TEX11: variants seen among roughly 807,000 people sequenced by gnomAD.
The protein encoded by TEX11 is testis-expressed protein 11.
In TEX11, 7 loss-of-function variants were observed where a neutral mutation model predicts 84.4. The observed-to-expected ratio is 0.08, with a 90% CI of 0.05 to 0.16. TEX11 has a LOEUF of 0.16. Among genes scored for constraint, TEX11 ranks in the 10% least tolerant of loss-of-function variants. TEX11 has a pLI of 1.00. For synonymous variants in TEX11, 264 were observed against 222.8 expected, an observed-to-expected ratio of 1.18 and a Z score of -1.64; for missense variants, 551 against 660.5, an observed-to-expected ratio of 0.83 and a Z score of 1.82.
intron 25 of TEX11, among the ~76,000 whole-genome samples, chrX:70,586,575 T>C (rs7879897): frequency 0.083 from 9,259 of 111,728 alleles, 849 homozygotes; most frequent in African/African-American, 0.26. Flanking sequence ...CATGAAAAGA[T>C]GCTCAACATC....
intron 13 of TEX11, among the ~76,000 whole-genome samples, chrX:70,704,950 T>A (rs968972564): frequency 8.9e-6 from 1 of 112,072 alleles, no homozygotes; most frequent in African/African-American, 3.2e-5. Context: ...AAGTCTTTAA[T>A]ACATCTTGAA....
chrX:70,530,041 AGTTC>A, intron 28 of TEX11, 42 bp from the exon 29 acceptor site: 2 of 1,098,106 alleles, frequency 1.8e-6, no homozygotes, highest in Non-Finnish European at 2.5e-6. Context: ...TTACTGTCAC[AGTTC>A]ATTGTGGCAC....
intron 13 of TEX11, among the ~76,000 whole-genome samples, chrX:70,706,065 C>A (rs1359624920): frequency 2.7e-5 from 3 of 111,347 alleles, no homozygotes; most frequent in African/African-American, 9.8e-5. Context: ...ACCCAAATGT[C>A]CATCAATGAT....
At chrX:70,900,395 A>AAAAAAAG (rs1556245995) in intron 2 of TEX11, among the ~76,000 whole-genome samples, 6 of 60,082 alleles carry the variant, frequency 1.0e-4, no homozygotes, top group African/African-American at 3.3e-4. Flanking sequence ...AAAAAAAAAA[A>AAAAAAAG]AAGAAGAAGA....
chrX:70,602,400 C>T (rs371433931), intron 24 of TEX11, among the ~76,000 whole-genome samples: 19,575 of 103,504 alleles, frequency 0.19, 1,751 homozygotes, highest in African/African-American at 0.22. Flanking sequence ...GTTCAATATA[C>T]GCAAATCAAT....
intron 25 of TEX11, among the ~76,000 whole-genome samples, chrX:70,583,788 G>C (rs2088812565): frequency 1.8e-5 from 2 of 111,611 alleles, no homozygotes; most frequent in Admixed American, 9.5e-5. Flanking sequence ...CTGCTGGTGG[G>C]AATGTAAATC....
chrX:70,869,850 TTGTC>T (rs2091620938), intron 4 of TEX11, among the ~76,000 whole-genome samples: 1 of 111,866 alleles, frequency 8.9e-6, no homozygotes, highest in Non-Finnish European at 1.9e-5. Context: ...TCTAAGAACT[TTGTC>T]TGCTCCAATC....
chrX:70,860,570 A>C (rs1183853833), intron 5 of TEX11, among the ~76,000 whole-genome samples: 1 of 111,639 alleles, frequency 9.0e-6, no homozygotes, highest in African/African-American at 3.3e-5. Context: ...TAGATGAAGA[A>C]ACAGTTACTC....
intron 7 of TEX11, among the ~76,000 whole-genome samples, chrX:70,843,150 A>G (rs2091457521): frequency 8.9e-6 from 1 of 111,980 alleles, no homozygotes; most frequent in Non-Finnish European, 1.9e-5. Context: ...ATACGGAACC[A>G]AAAAGAGCCC....
Position 70,562,109 on chromosome X carries a change from T to C in TEX11, c.2141-7309A>G, listed in dbSNP as rs980795566. On this transcript the variant is annotated intron_variant, in intron 25 of 29. Coordinates refer to ENST00000374333, the MANE Select transcript of TEX11 (RefSeq NM_031276.3). ...ATTTCAGACAACCTCCTCCCACCAC[T>C]TCACAGTATCTCACAAGCTGCAGTC... 3.6e-5 allele frequency among the ~76,000 whole-genome samples: 4 copies of C among 112,216 alleles called. No individual in the cohort carries two copies. The East Asian group carries it at 1.1e-3, about 31-fold the overall frequency.
intron 9 of TEX11, among the ~76,000 whole-genome samples, chrX:70,757,146 G>A (rs1179876575): frequency 8.9e-6 from 1 of 112,089 alleles, no homozygotes; most frequent in African/African-American, 3.2e-5. Context: ...ACGTTTGACT[G>A]GTGTTCCTGA....
At chrX:70,622,151 C>G (rs763767673) in intron 20 of TEX11, among the ~76,000 whole-genome samples, 2 of 111,721 alleles carry the variant, frequency 1.8e-5, no homozygotes, top group Non-Finnish European at 1.9e-5. Context: ...AAAGAAGTTG[C>G]CATTGCCTAC....
chrX:70,903,050 C>T (rs935434137), intron 2 of TEX11, among the ~76,000 whole-genome samples: 1 of 111,876 alleles, frequency 8.9e-6, no homozygotes, highest in African/African-American at 3.2e-5. Context: ...CTTCCACCTC[C>T]ACGTTTTGTC....
At chrX:70,788,959 TATATATATATATATAGAG>T (rs1369758960) in intron 9 of TEX11, among the ~76,000 whole-genome samples, 5 of 44,077 alleles carry the variant, frequency 1.1e-4, no homozygotes, top group African/African-American at 4.0e-4. Flanking sequence ...TATATATATA[TATATATATATATATAGAG>T]AGAGAGAGAG....
intron 9 of TEX11, among the ~76,000 whole-genome samples, chrX:70,789,179 CA>C (rs756153550): frequency 1.3e-3 from 117 of 91,317 alleles, no homozygotes; most frequent in Admixed American, 2.7e-3. Flanking sequence ...GACCCTGTCT[CA>C]AAAAAAAAAA....
chrX:70,651,014 C>G, intron 17 of TEX11, among the ~76,000 whole-genome samples: 1 of 111,885 alleles, frequency 8.9e-6, no homozygotes, highest in Middle Eastern at 4.6e-3. Context: ...ATCTCAAGGC[C>G]AAATCTCTCA....
At chrX:70,757,355 T>C (rs2090874701) in intron 9 of TEX11, among the ~76,000 whole-genome samples, 1 of 110,833 alleles carries the variant, frequency 9.0e-6, no homozygotes, top group Non-Finnish European at 1.9e-5. Flanking sequence ...AAAAAAACAT[T>C]AAGGGCAGCC....
chrX:70,539,040 T>TATATATATA (rs1447496117), intron 28 of TEX11, among the ~76,000 whole-genome samples: 175 of 9,564 alleles, frequency 0.018, 1 homozygote, highest in Non-Finnish European at 0.037. Flanking sequence ...ATATATATAT[T>TATATATATA]TTTTTTTTTT....
intron 2 of TEX11, among the ~76,000 whole-genome samples, chrX:70,887,039 A>G (rs1036763801): frequency 1.8e-5 from 2 of 111,832 alleles, no homozygotes; most frequent in Non-Finnish European, 3.8e-5. Flanking sequence ...CAAGGCCCAC[A>G]GTGGGTATGT....
Sources: allele counts gnomAD v4.1 joint callset (sites outside exome capture counted in the v4.1 genomes callset), GRCh38; gene constraint gnomAD v4.1.1; transcripts MANE v1.5; gene names NCBI Gene and HGNC (gene_info 2026-07-23, HGNC 2026-07-21).